The following CELA2A variants were observed in gnomAD, a reference collection of about 807,000 sequenced individuals.
The protein encoded by CELA2A is chymotrypsin-like elastase family member 2A.
Under a neutral mutation model 35.3 loss-of-function variants are expected in CELA2A, and 31 were observed. The ratio of observed to expected loss-of-function variants is 0.88; its 90% CI spans 0.66 to 1.19. The LOEUF is 1.19. Ranked by LOEUF, CELA2A falls within the 50% of genes most tolerant of loss-of-function variation. CELA2A has a pLI of 0.00. For synonymous variants in CELA2A, 150 were observed against 149.8 expected (o/e 1.00, Z -0.01); for missense variants, 330 against 352.9 (o/e 0.94, Z 0.52).
At chr1:15,460,163 A>G (rs1449514903) in intron 2 of CELA2A, among the ~76,000 whole-genome samples, 2 of 152,042 alleles carry the variant, frequency 1.3e-5, no homozygotes, top group African/African-American at 4.8e-5. Context: ...GAATTCCCCA[A>G]AGGCACTGGG....
intron 7 of CELA2A, 48 bp downstream of exon 7, chr1:15,467,586 T>C (rs202058286): frequency 6.3e-7 from 1 of 1,598,000 alleles, no homozygotes; most frequent in East Asian, 2.2e-5. Context: ...CCTGCTCACC[T>C]GGCCTCGGGA....
chr1:15,463,574 C>G (rs541716994), intron 5 of CELA2A, 52 bp downstream of exon 5: 3 of 1,611,626 alleles, frequency 1.9e-6, no homozygotes, highest in South Asian at 2.2e-5. Flanking sequence ...AGGTGATTCA[C>G]GTCACCCCTG....
chr1:15,465,192 G>A (rs1018823218), intron 5 of CELA2A, among the ~76,000 whole-genome samples: 4 of 151,796 alleles, frequency 2.6e-5, no homozygotes, highest in African/African-American at 9.7e-5. Flanking sequence ...TTGTATTTTA[G>A]TAGAGGTGGG....
intron 2 of CELA2A, among the ~76,000 whole-genome samples, chr1:15,460,384 A>G (rs1439617043): frequency 2.6e-5 from 4 of 152,150 alleles, no homozygotes; most frequent in Non-Finnish European, 4.4e-5. Flanking sequence ...AGACCTCTTA[A>G]TGTCACACAA....
intron 3 of CELA2A, chr1:15,462,210 C>T (rs566515130): frequency 2.1e-5 from 10 of 469,626 alleles, no homozygotes; most frequent in Admixed American, 4.7e-5. Context: ...GAGTTTCTGC[C>T]GGGTCGGCGT....
At position 15,467,386 on chromosome 1, in the gene CELA2A, G is replaced by A. The variant is rs1254849114; in HGVS notation, c.640G>A (p.Gly214Arg). The change falls in exon 7 of 8, where the codon GGA (glycine) becomes AGA (arginine). Residue 214 changes from glycine to arginine, a missense_variant and splice_region_variant. By Grantham distance (125) the Gly-to-Arg change is moderately radical. Transcript: ENST00000359621. Reference protein sequence around the residue: ...GGDGVISSCNGDSGGPLNCQA... With the variant: ...GGDGVISSCNRDSGGPLNCQA... The stretch of plus-strand genomic sequence containing the variant: ...TGCCTATAACTCTGGCCTTCCTCAG[G>A]GAGACTCTGGCGGGCCACTGAACTG... 7 of 1,612,842 alleles carry A rather than the reference G, an allele frequency of 4.3e-6. No homozygotes were observed. The highest frequency in any genetic ancestry group is 4.2e-6 in the Non-Finnish European group (5 of 1,180,012).
In CELA2A at chr1:15,466,333, G is replaced by A. The variant is rs373003174; in HGVS notation, c.639+189G>A. 5.4e-4 allele frequency among the ~76,000 whole-genome samples: 82 copies of A among 152,158 alleles called. 1 individual carries two copies. Among genetic ancestry groups the A allele is most frequent in the African/African-American group, 1.9e-3 (77 of 41,514 alleles). Reference sequence around the variant, plus strand: ...ATCCCAGCACTTTGAGAGGCCAGGCGGGCAGACCACTTGAGGTCAGCAGTT... The same window carrying A: ...ATCCCAGCACTTTGAGAGGCCAGGCAGGCAGACCACTTGAGGTCAGCAGTT... On this transcript the variant is annotated intron_variant, in intron 6 of 7. Coordinates refer to ENST00000359621, the MANE Select transcript of CELA2A (RefSeq NM_033440.3).
At position 15,459,416 on chromosome 1, in the gene CELA2A, G is replaced by A. The variant is rs567866294; in HGVS notation, c.130-2145G>A. 4.8e-4 allele frequency among the ~76,000 whole-genome samples: 71 copies of A among 148,424 alleles called. 1 individual carries two copies. The highest frequency in any genetic ancestry group is 8.0e-4 in the East Asian group (4 of 4,984). On this transcript the variant is annotated intron_variant, in intron 2 of 7. Coordinates refer to ENST00000359621, the MANE Select transcript of CELA2A (RefSeq NM_033440.3). ...TGGGCTCAAGTGATCCTCCTGCGTC[G>A]GCCTCCCAAAGTGCTGGGATCACAG...
At position 15,464,202 on chromosome 1, in the gene CELA2A, A is replaced by T. The variant is rs149777597; in HGVS notation, c.493+680A>T. 1.4e-4 allele frequency among the ~76,000 whole-genome samples: 21 copies of T among 152,310 alleles called. No homozygotes were observed. In the East Asian group the frequency reaches 3.9e-3, roughly 28 times the overall value. On this transcript the variant is annotated intron_variant, in intron 5 of 7. Transcript: ENST00000359621. The stretch of plus-strand genomic sequence containing the variant: ...GAGAGAAAGTTACAGAGACCATGTG[A>T]CATCTTCTGTGTGGCCCAAGGCTAG...
In CELA2A at chr1:15,463,493, G is replaced by T. The variant is rs1360105518; in HGVS notation, c.464G>T (p.Cys155Phe). The T allele has an allele frequency of 6.2e-7, 1 of 1,614,006 alleles. No homozygotes were observed. The highest frequency in any genetic ancestry group is 1.7e-5 in the Admixed American group (1 of 60,008). Residue 155 changes from cysteine to phenylalanine, a missense_variant, in exon 5 of 8, where the codon TGC (cysteine) becomes TTC (phenylalanine). Physicochemically the swap from Cys to Phe is radical, Grantham distance 205. Transcript: ENST00000359621. ...AGTILPNNYP[C>F]YVTGWGRLQT... ...ACCATTCTACCCAACAACTACCCCTGCTACGTCACGGGCTGGGGAAGGCTG... is the reference window on the plus strand; with the variant it reads ...ACCATTCTACCCAACAACTACCCCTTCTACGTCACGGGCTGGGGAAGGCTG...
intron 5 of CELA2A, among the ~76,000 whole-genome samples, chr1:15,465,005 T>C (rs1334049575): frequency 1.7e-4 from 3 of 18,028 alleles, no homozygotes; most frequent in East Asian, 5.7e-3. Flanking sequence ...TAACTTCCCT[T>C]TTTTTTTTTT....
chr1:15,460,860 G>A (rs1708424351), intron 2 of CELA2A, among the ~76,000 whole-genome samples: 1 of 34,864 alleles, frequency 2.9e-5, no homozygotes, highest in East Asian at 8.8e-4. Context: ...TATTTTTGTT[G>A]TAGAGACAAT....
At chr1:15,457,481 A>G in intron 2 of CELA2A, 1 of 291,710 alleles carries the variant, frequency 3.4e-6, no homozygotes, top group Admixed American at 4.6e-5. Flanking sequence ...GTGGTGGCAC[A>G]CGCCTGTAAT....
intron 4 of CELA2A, 35 bp from the exon 5 acceptor site, chr1:15,463,351 C>T: frequency 6.2e-7 from 1 of 1,612,348 alleles, no homozygotes; most frequent in Non-Finnish European, 8.5e-7. Context: ...GAAAAGTCAA[C>T]CCGGTCCTCA....
Position 15,463,751 on chromosome 1 carries a change from G to A in CELA2A, c.493+229G>A, listed in dbSNP as rs1708473034. Among the ~76,000 whole-genome samples, 2 of 152,034 alleles carry A rather than the reference G, an allele frequency of 1.3e-5. 1 individual carries two copies. The highest frequency in any genetic ancestry group is 2.9e-5 in the Non-Finnish European group (2 of 68,004). ...TCTCCATGCAGCACTTTTTTCATCT[G>A]TAAAATGCAAATATTTGGCTGGGCG... On this transcript the variant is annotated intron_variant, in intron 5 of 7. Coordinates refer to ENST00000359621, the MANE Select transcript of CELA2A (RefSeq NM_033440.3).
In CELA2A at chr1:15,467,490, G is replaced by A. The variant is rs1708535485; in HGVS notation, c.744G>A (p.Lys248=). ...GSRLGCNYYH[K]PSVFTRVSNY... ...GCCTCGGCTGCAACTACTACCACAA[G>A]CCCTCCGTCTTCACGCGGGTCTCCA... Residue 248 remains lysine (K), a synonymous_variant, in exon 7 of 8, where the codon AAG becomes AAA. Coordinates refer to ENST00000359621, the MANE Select transcript of CELA2A (RefSeq NM_033440.3). The A allele has an allele frequency of 6.2e-7, 1 of 1,614,008 alleles. No homozygotes were observed. The highest frequency in any genetic ancestry group is 8.5e-7 in the Non-Finnish European group (1 of 1,180,036).
intron 3 of CELA2A, 136 bp downstream of exon 3, chr1:15,461,794 T>C (rs752490042): frequency 7.1e-6 from 7 of 987,364 alleles, no homozygotes; most frequent in African/African-American, 1.6e-5. Flanking sequence ...ACACAAGCTG[T>C]AGTCAATCAA....
chr1:15,467,436 G>A lies in CELA2A; in HGVS notation c.690G>A (p.Gln230=), dbSNP rs773536849. 2 of 1,614,034 alleles carry A rather than the reference G, an allele frequency of 1.2e-6. No individual in the cohort carries two copies. The highest frequency in any genetic ancestry group is 1.7e-6 in the Non-Finnish European group (2 of 1,180,034). ...LNCQASDGRW[Q]VHGIVSFGSR... is the part of the protein sequence containing the mutation. ...GTCAGGCGTCTGACGGCCGGTGGCA[G>A]GTGCACGGCATCGTCAGCTTCGGGT... is the stretch of plus-strand genomic sequence containing the variant. Residue 230 remains glutamine (Q), a synonymous_variant, in exon 7 of 8, where the codon CAG becomes CAA. Transcript: ENST00000359621.
At chr1:15,462,950 C>T (rs902008363) in intron 4 of CELA2A, 89 bp downstream of exon 4, 7 of 1,556,174 alleles carry the variant, frequency 4.5e-6, no homozygotes, top group African/African-American at 1.4e-5. Context: ...CCACACCACA[C>T]CCCCTCTGCT....
Sources: gnomAD v4.1 joint callset for allele counts (sites outside exome capture counted in the v4.1 genomes callset) on GRCh38, gnomAD v4.1.1 for gene constraint, MANE v1.5 for transcripts, NCBI Gene and HGNC (gene_info 2026-07-23, HGNC 2026-07-21) for gene names.